LAMA4: variants seen among roughly 807,000 people sequenced by gnomAD.
LAMA4 encodes the protein laminin subunit alpha 4.
In LAMA4, 127 loss-of-function variants were observed where a neutral mutation model predicts 207.1. The ratio of observed to expected loss-of-function variants is 0.61; its 90% confidence interval spans 0.53 to 0.71. LAMA4 has a LOEUF of 0.71. Among genes scored for constraint, LAMA4 ranks in the 30% least tolerant of loss-of-function variants. LAMA4 has a pLI of 0.00. For missense variants in LAMA4, 2,093 were observed against 2,246.5 expected, an observed-to-expected ratio of 0.93 and a Z score of 1.38; for synonymous variants, 761 against 816.0, an observed-to-expected ratio of 0.93 and a Z score of 1.15.
intron 4 of LAMA4, among the ~76,000 whole-genome samples, chr6:112,206,026 T>C (rs1406693481): frequency 6.6e-6 from 1 of 152,220 alleles, no homozygotes; most frequent in African/African-American, 2.4e-5. Context: ...CACTTCTCCA[T>C]ATCCTGCTCT....
chr6:112,198,720 C>T (rs537036787), intron 5 of LAMA4, among the ~76,000 whole-genome samples: 23 of 152,152 alleles, frequency 1.5e-4, no homozygotes, highest in African/African-American at 4.3e-4. Context: ...CTAAGGAAAC[C>T]GAGACTCAGG....
intron 12 of LAMA4, among the ~76,000 whole-genome samples, chr6:112,168,470 C>T (rs1183167931): frequency 6.6e-6 from 1 of 151,454 alleles, no homozygotes; most frequent in African/African-American, 2.4e-5. Context: ...CTCAGCCTCC[C>T]AAGTAGCTGG....
chr6:112,200,996 C>T lies in LAMA4; in HGVS notation c.503+612G>A, dbSNP rs1028185954. 2.0e-5 allele frequency among the ~76,000 whole-genome samples: 3 copies of T among 149,466 alleles called. No homozygotes were observed. The Admixed American group carries it at 2.0e-4, about 10-fold the overall frequency. On this transcript the variant is annotated intron_variant, in intron 5 of 38. Coordinates refer to ENST00000230538, the MANE Select transcript of LAMA4 (RefSeq NM_001105206.3). ...TGTATACCTATGTAAGAAACCTGCA[C>T]GTTCTGCACATGTATCCCAGAACTT... is the stretch of plus-strand genomic sequence containing the variant.
intron 2 of LAMA4, among the ~76,000 whole-genome samples, chr6:112,250,001 CT>C (rs1391239966): frequency 6.6e-6 from 1 of 152,166 alleles, no homozygotes; most frequent in Non-Finnish European, 1.5e-5. Flanking sequence ...TTGCTCACCC[CT>C]GAGGGCAAAG....
chr6:112,112,343 C>T (rs1041829254), intron 38 of LAMA4, among the ~76,000 whole-genome samples: 4 of 152,102 alleles, frequency 2.6e-5, no homozygotes, highest in Non-Finnish European at 2.9e-5. Flanking sequence ...AAGATACCAT[C>T]GTTGAACATT....
At chr6:112,200,648 A>G (rs1412467107) in intron 5 of LAMA4, among the ~76,000 whole-genome samples, 1 of 152,228 alleles carries the variant, frequency 6.6e-6, no homozygotes, top group Non-Finnish European at 1.5e-5. Context: ...CCCATCAATG[A>G]TAGACTGGAT....
intron 2 of LAMA4, among the ~76,000 whole-genome samples, chr6:112,242,589 T>G (rs1786597020): frequency 6.6e-6 from 1 of 152,198 alleles, no homozygotes; most frequent in Non-Finnish European, 1.5e-5. Flanking sequence ...GTTCTGCATC[T>G]CTAACACATT....
intron 15 of LAMA4, 121 bp downstream of exon 15, chr6:112,155,444 C>T: frequency 9.0e-7 from 1 of 1,107,074 alleles, no homozygotes; most frequent in Non-Finnish European, 1.4e-6. Flanking sequence ...CCCTTAGTTC[C>T]CCTGCCTTTT....
rs561635747 is a variant in LAMA4, at chr6:112,209,803, ATGT to A, written c.298-2661_298-2659del. ...CAAATATGACAACAATAAAAAAGGT[ATGT>A]TGTTGTGAGGTGAATGGTTTGGCTC... is the stretch of plus-strand genomic sequence containing the variant. On this transcript the variant is annotated intron_variant, in intron 3 of 38. Coordinates refer to ENST00000230538, the MANE Select transcript of LAMA4 (RefSeq NM_001105206.3). Among the ~76,000 whole-genome samples the A allele has an allele frequency of 3.0e-4, 46 of 152,342 alleles. No individual in the cohort carries two copies. In the South Asian group the frequency reaches 9.1e-3, roughly 30 times the overall value.
chr6:112,179,199 T>C (rs1759797575), intron 9 of LAMA4: 1 of 152,146 alleles, frequency 6.6e-6, no homozygotes, highest in African/African-American at 2.4e-5. Flanking sequence ...TCTCACACAG[T>C]ATTTGTCAAA....
Position 112,254,192 on chromosome 6 carries a change from G to A in LAMA4, c.-42C>T. On this transcript the variant is annotated 5_prime_UTR_variant, in exon 2 of 39. Coordinates refer to ENST00000230538, the MANE Select transcript of LAMA4 (RefSeq NM_001105206.3). ...AGTAGTGCTCTTCCAGGGCTCGGGC[G>A]CTGTGGGTCTCCGTAGGTCTCCCGC... 6.2e-7 allele frequency: 1 copy of A among 1,610,792 alleles called. No homozygotes were observed. Among genetic ancestry groups the A allele is most frequent in the Non-Finnish European group, 8.5e-7 (1 of 1,179,616 alleles).
At chr6:112,235,447 AG>A (rs1192722070) in intron 2 of LAMA4, among the ~76,000 whole-genome samples, 2 of 152,178 alleles carry the variant, frequency 1.3e-5, no homozygotes, top group Non-Finnish European at 2.9e-5. Flanking sequence ...AAGGTCATGG[AG>A]GGGTACAAGT....
chr6:112,210,867 T>C (rs1554356253), intron 3 of LAMA4, among the ~76,000 whole-genome samples: 3 of 152,156 alleles, frequency 2.0e-5, no homozygotes, highest in East Asian at 1.9e-4. Flanking sequence ...AACATGGAAT[T>C]GGTATATTAT....
chr6:112,253,606 A>T, intron 2 of LAMA4: 1 of 793,284 alleles, frequency 1.3e-6, no homozygotes, highest in Non-Finnish European at 2.1e-6. Flanking sequence ...ACACACGTTA[A>T]GTGCCGTGGC....
chr6:112,150,459 C>A, intron 17 of LAMA4, 52 bp downstream of exon 17: 1 of 1,093,544 alleles, frequency 9.1e-7, no homozygotes, highest in South Asian at 1.2e-5. Flanking sequence ...GAAGGTTTAC[C>A]TTACACTCCA....
chr6:112,237,896 C>G (rs1267741860), intron 2 of LAMA4, among the ~76,000 whole-genome samples: 1 of 152,194 alleles, frequency 6.6e-6, no homozygotes, highest in African/African-American at 2.4e-5. Flanking sequence ...CACCTATTGC[C>G]CAATCTAGCC....
At chr6:112,218,456 G>A (rs1784752493) in intron 2 of LAMA4, 1 of 152,182 alleles carries the variant, frequency 6.6e-6, no homozygotes, top group Non-Finnish European at 1.5e-5. Flanking sequence ...ATTGCTCAAT[G>A]AACTCTTGGT....
chr6:112,150,254 C>A (rs1163221009), intron 17 of LAMA4, among the ~76,000 whole-genome samples: 1 of 151,476 alleles, frequency 6.6e-6, no homozygotes, highest in Non-Finnish European at 1.5e-5. Context: ...CAGACACACA[C>A]ACACAGAGGC....
intron 2 of LAMA4, among the ~76,000 whole-genome samples, chr6:112,246,554 T>C: frequency 6.7e-6 from 1 of 149,148 alleles, no homozygotes; most frequent in East Asian, 2.0e-4. Flanking sequence ...AGAGTCTCGC[T>C]CTGTCGCCCA....
Sources: gnomAD v4.1 joint callset for allele counts (sites outside exome capture counted in the v4.1 genomes callset) on GRCh38, gnomAD v4.1.1 for gene constraint, MANE v1.5 for transcripts, NCBI Gene and HGNC (gene_info 2026-07-23, HGNC 2026-07-21) for gene names.